The following CDH9 variants were observed in gnomAD, a reference collection of about 807,000 sequenced individuals.
CDH9 encodes the protein cadherin 9, also known as cadherin-9.
Under a neutral mutation model 70.9 loss-of-function variants are expected in CDH9, and 28 were observed. That is an observed-to-expected ratio of 0.40 (90% CI 0.29 to 0.54). The LOEUF (loss-of-function observed/expected upper bound fraction) is 0.54. Among genes scored for constraint, CDH9 ranks in the 20% least tolerant of loss-of-function variants. CDH9 has a pLI of 0.59. For synonymous variants in CDH9, 409 were observed against 343.1 expected, an observed-to-expected ratio of 1.19 and a Z score of -2.12; for missense variants, 874 against 984.4, an observed-to-expected ratio of 0.89 and a Z score of 1.50.
At chr5:26,987,498 A>C (rs945218326) in intron 2 of CDH9, among the ~76,000 whole-genome samples, 1 of 152,018 alleles carries the variant, frequency 6.6e-6, no homozygotes, top group Non-Finnish European at 1.5e-5. Context: ...AAAGAGAGGC[A>C]ATGAATCTGC....
At chr5:26,980,199 G>T (rs1405737869) in intron 2 of CDH9, among the ~76,000 whole-genome samples, 1 of 151,826 alleles carries the variant, frequency 6.6e-6, no homozygotes, top group Non-Finnish European at 1.5e-5. Flanking sequence ...GAAGTTGGAA[G>T]TTTCACAAAA....
intron 2 of CDH9, among the ~76,000 whole-genome samples, chr5:26,956,648 C>T (rs553885082): frequency 6.6e-6 from 1 of 152,164 alleles, no homozygotes; most frequent in Non-Finnish European, 1.5e-5. Context: ...CCACCCTCCA[C>T]AGACCCCACA....
At chr5:26,918,640 G>T (rs1028632726) in intron 2 of CDH9, among the ~76,000 whole-genome samples, 4 of 152,198 alleles carry the variant, frequency 2.6e-5, no homozygotes, top group African/African-American at 7.2e-5. Flanking sequence ...TGGGTGACTA[G>T]TCTTTAAACA....
chr5:26,989,404 T>C (rs1039791070), intron 1 of CDH9, among the ~76,000 whole-genome samples: 2 of 152,038 alleles, frequency 1.3e-5, no homozygotes, highest in African/African-American at 2.4e-5. Flanking sequence ...TCAAATTAAG[T>C]GTGGAAAAGA....
chr5:26,974,395 A>G (rs1409790733), intron 2 of CDH9, among the ~76,000 whole-genome samples: 1 of 152,114 alleles, frequency 6.6e-6, no homozygotes, highest in Non-Finnish European at 1.5e-5. Context: ...TATAGGTTTG[A>G]AAGATATTCG....
chr5:26,916,071 T>A, intron 2 of CDH9, 147 bp from the exon 3 acceptor site: 1 of 563,978 alleles, frequency 1.8e-6, no homozygotes, highest in Non-Finnish European at 3.1e-6. Flanking sequence ...TGAGAGGGAG[T>A]TAAATATTTC....
chr5:26,935,553 G>C (rs1741544276), intron 2 of CDH9, among the ~76,000 whole-genome samples: 1 of 152,088 alleles, frequency 6.6e-6, no homozygotes, highest in East Asian at 1.9e-4. Context: ...ACTACAATGA[G>C]ATACTAGTTT....
intron 3 of CDH9, among the ~76,000 whole-genome samples, chr5:26,915,205 G>A (rs1375964953): frequency 6.6e-6 from 1 of 151,964 alleles, no homozygotes; most frequent in Admixed American, 6.6e-5. Flanking sequence ...TACCACATAA[G>A]TTGGCTTTAA....
chr5:26,983,796 A>T (rs1742443205), intron 2 of CDH9, among the ~76,000 whole-genome samples: 1 of 152,140 alleles, frequency 6.6e-6, no homozygotes, highest in African/African-American at 2.4e-5. Context: ...AATAAATTTG[A>T]GATTTTATTT....
At chr5:27,016,843 G>A (rs1743054663) in intron 1 of CDH9, among the ~76,000 whole-genome samples, 1 of 151,818 alleles carries the variant, frequency 6.6e-6, no homozygotes. Context: ...CTGAAATAAA[G>A]GGAGCATTTT....
chr5:27,010,161 C>T (rs1742932672), intron 1 of CDH9, among the ~76,000 whole-genome samples: 1 of 152,032 alleles, frequency 6.6e-6, no homozygotes, highest in African/African-American at 2.4e-5. Flanking sequence ...TACTGCAGCT[C>T]TCTAGAATTT....
chr5:26,964,533 T>C (rs1561021113), intron 2 of CDH9, among the ~76,000 whole-genome samples: 1 of 152,166 alleles, frequency 6.6e-6, no homozygotes, highest in African/African-American at 2.4e-5. Context: ...ATGCAGTTTG[T>C]ATTGTGTTGT....
chr5:26,942,076 G>A (rs771861355), intron 2 of CDH9, among the ~76,000 whole-genome samples: 1 of 152,164 alleles, frequency 6.6e-6, no homozygotes, highest in Non-Finnish European at 1.5e-5. Flanking sequence ...TAAGGAAAGA[G>A]GTTTAATTGA....
Position 27,035,768 on chromosome 5 carries a change from A to G in CDH9, c.-50+2695T>C, listed in dbSNP as rs1039487954. Among the ~76,000 whole-genome samples, 6 of 151,498 alleles carry G rather than the reference A, an allele frequency of 4.0e-5. No homozygotes were observed. The East Asian group carries it at 1.2e-3, about 30-fold the overall frequency. On this transcript the variant is annotated intron_variant, in intron 1 of 11. Coordinates refer to ENST00000231021, the MANE Select transcript of CDH9 (RefSeq NM_016279.4). ...TGAAGTCAAAAGTATTACATTGGAC[A>G]TTTTTTAAGATATCTTTTTTCTAAT... is the stretch of plus-strand genomic sequence containing the variant.
chr5:27,033,360 T>C (rs748382164), intron 1 of CDH9, among the ~76,000 whole-genome samples: 1 of 151,392 alleles, frequency 6.6e-6, no homozygotes, highest in Non-Finnish European at 1.5e-5. Flanking sequence ...GTTTTCCATA[T>C]GTATTCTGGA....
At position 26,941,304 on chromosome 5, in the gene CDH9, C is replaced by T. The variant is rs556633163; in HGVS notation, c.229-25380G>A. Among the ~76,000 whole-genome samples, 9 of 152,260 alleles carry T rather than the reference C, an allele frequency of 5.9e-5. No homozygotes were observed. The East Asian group carries it at 9.7e-4, about 16-fold the overall frequency. Reference sequence around the variant, plus strand: ...AGGCATACATTTGCTATGTCATCAACGGTAATTTACTCAGCTGGAGGTAAT... The same window carrying T: ...AGGCATACATTTGCTATGTCATCAATGGTAATTTACTCAGCTGGAGGTAAT... On this transcript the variant is annotated intron_variant, in intron 2 of 11. Transcript: ENST00000231021.
At chr5:26,956,632 C>T (rs1354639279) in intron 2 of CDH9, among the ~76,000 whole-genome samples, 1 of 152,040 alleles carries the variant, frequency 6.6e-6, no homozygotes, top group Non-Finnish European at 1.5e-5. Flanking sequence ...CTGTATTAGC[C>T]CCCTGCCACC....
chr5:26,917,007 G>A (rs908664067), intron 2 of CDH9, among the ~76,000 whole-genome samples: 2 of 151,668 alleles, frequency 1.3e-5, no homozygotes, highest in African/African-American at 4.8e-5. Flanking sequence ...TCTTAATGTA[G>A]GAGGCTGATC....
intron 7 of CDH9, among the ~76,000 whole-genome samples, chr5:26,899,319 G>A (rs1740810643): frequency 6.6e-6 from 1 of 151,928 alleles, no homozygotes; most frequent in Non-Finnish European, 1.5e-5. Context: ...CCCACTACTG[G>A]GTATATACCC....
Sources: allele counts gnomAD v4.1 joint callset (sites outside exome capture counted in the v4.1 genomes callset), GRCh38; gene constraint gnomAD v4.1.1; transcripts MANE v1.5; gene names NCBI Gene and HGNC (gene_info 2026-07-23, HGNC 2026-07-21).